NUP188: variants seen among roughly 807,000 people sequenced by gnomAD.
NUP188 encodes the protein nucleoporin NUP188.
NUP188 carries 97 observed loss-of-function variants against 223.0 expected under a neutral mutation model. The ratio of observed to expected loss-of-function variants is 0.43; its 90% CI spans 0.37 to 0.51. The LOEUF (loss-of-function observed/expected upper bound fraction) is 0.51. Among genes scored for constraint, NUP188 ranks in the 20% least tolerant of loss-of-function variants. NUP188 has a pLI of 0.00. For synonymous variants in NUP188, 869 were observed against 828.0 expected (o/e 1.05, Z -0.85); for missense variants, 1,947 against 2,175.6 (o/e 0.89, Z 2.09).
rs1588282349 is a variant in NUP188 at position 128,983,315 on chromosome 9, C to T, written c.1819C>T (p.Pro607Ser). Residue 607 changes from proline (P) to serine (S), a missense_variant, in exon 18 of 44, where the codon CCT (proline) becomes TCT (serine). By Grantham distance (74) the Pro-to-Ser change is moderately conservative (BLOSUM62 -1). Around this residue, in one of 3 missense-constraint regions of NUP188, gnomAD observed 817 missense variants for 865.8 expected, o/e 0.94. Transcript: ENST00000372577. The stretch of plus-strand genomic sequence containing the variant: ...CAGGTTAACGACAGTGATCTCCCCA[C>T]CTGTGGATGTCATTGCTTCTTGTGT... The part of the protein sequence containing the change: ...LQRLTTVISP[P>S]VDVIASCVNC... 1 of 1,614,128 alleles carries T rather than the reference C, an allele frequency of 6.2e-7. No individual in the cohort carries two copies. Among genetic ancestry groups the T allele is most frequent in the South Asian group, 1.1e-5 (1 of 91,076 alleles).
intron 8 of NUP188, among the ~76,000 whole-genome samples, chr9:128,966,350 G>A (rs151324024): frequency 3.8e-4 from 57 of 151,532 alleles, no homozygotes; most frequent in African/African-American, 1.3e-3. Context: ...TGGATTTAAT[G>A]TCCAAATATT....
intron 25 of NUP188, among the ~76,000 whole-genome samples, chr9:128,992,672 T>G (rs984328934): frequency 6.6e-6 from 1 of 152,230 alleles, no homozygotes; most frequent in East Asian, 1.9e-4. Context: ...CTAGAATGGA[T>G]GCATCCTGAT....
At chr9:128,977,498 A>G (rs1842192651) in intron 12 of NUP188, among the ~76,000 whole-genome samples, 1 of 152,152 alleles carries the variant, frequency 6.6e-6, no homozygotes, top group African/African-American at 2.4e-5. Context: ...GCTAAGCGCT[A>G]AGGATAAAAC....
intron 8 of NUP188, among the ~76,000 whole-genome samples, chr9:128,959,527 C>CTTTTTTTTTTTTTTTTTTTTTTTTTTTT (rs1303364478): frequency 8.1e-6 from 1 of 123,898 alleles, no homozygotes; most frequent in African/African-American, 3.2e-5. Context: ...TACAGATTAT[C>CTTTTTTTTTTTTTTTTTTTTTTTTTTTT]TTTTTTTTTT....
chr9:128,956,504 A>G, intron 4 of NUP188, 70 bp downstream of exon 4: 1 of 747,052 alleles, frequency 1.3e-6, no homozygotes, highest in South Asian at 2.0e-5. Flanking sequence ...ATTGCTAGTG[A>G]TAGTGAAAAT....
At chr9:128,994,798 T>A in intron 28 of NUP188, 58 bp from the exon 29 acceptor site, 6 of 1,375,846 alleles carry the variant, frequency 4.4e-6, no homozygotes, top group South Asian at 1.2e-5. Context: ...CTGTTTGATA[T>A]ACTGGGGGAG....
chr9:128,982,471 A>T, intron 15 of NUP188, 78 bp from the exon 16 acceptor site: 2 of 1,286,730 alleles, frequency 1.6e-6, no homozygotes, highest in Non-Finnish European at 2.2e-6. Context: ...CTGTGTGTTT[A>T]AAATATTGAT....
Position 128,964,226 on chromosome 9 carries a change from A to G in NUP188, c.586-4280A>G, listed in dbSNP as rs755447694. 3.6e-5 allele frequency: 13 copies of G among 360,536 alleles called. No individual in the cohort carries two copies. In the Admixed American group the frequency reaches 4.6e-4, roughly 13 times the overall value. The allele number at this position is 360,536 out of a possible 1,614,324, so 22.3% of individuals were successfully genotyped here. A position where few individuals can be genotyped will look rare whatever the true frequency, so the allele number is the denominator to read the frequency against. On this transcript the variant is annotated intron_variant, in intron 8 of 43. Transcript: ENST00000372577. ...AAGTGTCTGTTCACATTTTTATCCC[A>G]TTGTTTTTTGTGGATGTTTGTCTTA...
chr9:129,006,018 TGTC>T (rs758106439), intron 41 of NUP188, 29 bp from the exon 42 acceptor site: 7 of 1,612,382 alleles, frequency 4.3e-6, no homozygotes, highest in East Asian at 2.2e-5. Flanking sequence ...CTGTTCCTGT[TGTC>T]TTAGTTTTTT....
At chr9:128,965,942 C>T (rs750893457) in intron 8 of NUP188, among the ~76,000 whole-genome samples, 6 of 151,338 alleles carry the variant, frequency 4.0e-5, no homozygotes, top group South Asian at 2.1e-4. Flanking sequence ...GGATTACAGG[C>T]GCCCACCACC....
intron 32 of NUP188, among the ~76,000 whole-genome samples, 191 bp from the exon 33 acceptor site, chr9:128,998,981 C>T (rs1211219800): frequency 6.6e-6 from 1 of 152,022 alleles, no homozygotes; most frequent in Non-Finnish European, 1.5e-5. Context: ...CTCAACCTCC[C>T]TAGTAGCTGG....
chr9:128,998,708 G>A, intron 32 of NUP188, 85 bp downstream of exon 32: 1 of 1,088,800 alleles, frequency 9.2e-7, no homozygotes, highest in Non-Finnish European at 1.4e-6. Context: ...AGAAATAGTG[G>A]GTGGAAGCTG....
Position 128,990,100 on chromosome 9 carries a change from T to A in NUP188, c.2534-20T>A, listed in dbSNP as rs370074610. Reference sequence around the variant, plus strand: ...AATTAGGCACACTTGATATCTAAACTGTTTCCTGTGCTGCTTTAGGTGCTC... The same window carrying A: ...AATTAGGCACACTTGATATCTAAACAGTTTCCTGTGCTGCTTTAGGTGCTC... On this transcript the variant is annotated intron_variant, in intron 24 of 43. Transcript: ENST00000372577. 3.2e-6 allele frequency: 5 copies of A among 1,569,734 alleles called. No individual in the cohort carries two copies. Among genetic ancestry groups the A allele is most frequent in the Non-Finnish European group, 4.4e-6 (5 of 1,139,650 alleles).
At chr9:128,947,983 G>A (rs1841713308) in intron 1 of NUP188, 3 of 390,354 alleles carry the variant, frequency 7.7e-6, no homozygotes, top group Non-Finnish European at 1.4e-5. Context: ...CTCCGCGCTC[G>A]GCCTCCCATC....
At position 128,995,401 on chromosome 9, in the gene NUP188, A is replaced by C; in HGVS notation, c.3238A>C (p.Lys1080Gln). The C allele has an allele frequency of 6.2e-7, 1 of 1,613,972 alleles. No homozygotes were observed. The change falls in exon 30 of 44, where the codon AAG becomes CAG. Residue 1080 changes from lysine to glutamine, a missense_variant. Coordinates refer to ENST00000372577, the MANE Select transcript of NUP188 (RefSeq NM_015354.3). ...KRFAYWSGYVKSLAVHVAETE... is the reference protein window; with the variant it reads ...KRFAYWSGYVQSLAVHVAETE... The stretch of plus-strand genomic sequence containing the variant: ...CTTTGCCTACTGGTCAGGGTATGTC[A>C]AGTCATTGGCAGTTCACGTGGCCGA...
Position 128,981,961 on chromosome 9 carries a change from C to T in NUP188, c.1516+571C>T, listed in dbSNP as rs973795045. Among the ~76,000 whole-genome samples the T allele has an allele frequency of 1.1e-4, 17 of 152,100 alleles. No homozygotes were observed. In the South Asian group the frequency reaches 3.3e-3, roughly 30 times the overall value. ...GCGTGGTGGTGCATGCCTGTAATCC[C>T]AGCTACTCGGGAGGCTAAGACAGGA... On this transcript the variant is annotated intron_variant, in intron 15 of 43. Coordinates refer to ENST00000372577, the MANE Select transcript of NUP188 (RefSeq NM_015354.3).
intron 27 of NUP188, among the ~76,000 whole-genome samples, chr9:128,994,159 A>G (rs189523594): frequency 3.8e-4 from 58 of 152,258 alleles, no homozygotes; most frequent in Non-Finnish European, 7.2e-4. Flanking sequence ...GTTTTTATTG[A>G]TCAACTCTAT....
chr9:128,999,031 T>G (rs1163467765), intron 32 of NUP188, 141 bp from the exon 33 acceptor site: 1 of 631,646 alleles, frequency 1.6e-6, no homozygotes, highest in Non-Finnish European at 2.7e-6. Flanking sequence ...TTTTGTATTT[T>G]TAGTAGAGAC....
In NUP188 at chr9:129,001,579, G is replaced by C; in HGVS notation, c.3894G>C (p.Glu1298Asp). The C allele has an allele frequency of 6.2e-7, 1 of 1,614,020 alleles. No individual in the cohort carries two copies. The highest frequency in any genetic ancestry group is 8.5e-7 in the Non-Finnish European group (1 of 1,180,022). Residue 1298 changes from glutamate (E) to aspartate (D), a missense_variant, in exon 35 of 44, where the codon GAG becomes GAC. Glu to Asp is a conservative substitution (Grantham distance 45, BLOSUM62 2). Transcript: ENST00000372577. ...HLAKELCEVD[E>D]DGDSWLQVTR... ...CCAAGGAGCTGTGTGAGGTAGACGA[G>C]GATGGTGACTCCTGGCTGCAGGTAA... is the stretch of plus-strand genomic sequence containing the variant.
Sources: allele counts gnomAD v4.1 joint callset (sites outside exome capture counted in the v4.1 genomes callset), GRCh38; gene constraint gnomAD v4.1.1; regional missense constraint gnomAD v4.1.1; transcripts MANE v1.5; gene names NCBI Gene and HGNC (gene_info 2026-07-23, HGNC 2026-07-21).